The following ANKFN1 variants were observed in gnomAD, a reference collection of about 807,000 sequenced individuals.
The protein encoded by ANKFN1 is ankyrin repeat and fibronectin type-III domain-containing protein 1.
ANKFN1 carries 74 observed loss-of-function variants against 108.7 expected under a neutral mutation model. The observed-to-expected ratio is 0.68, with a 90% CI of 0.56 to 0.83. The LOEUF is 0.83. ANKFN1 is among the 40% of genes least tolerant of loss of function. The pLI, the probability that ANKFN1 is intolerant of heterozygous loss-of-function variation, is 0.00. For synonymous variants in ANKFN1, 547 were observed against 516.2 expected (o/e 1.06, Z -0.81); for missense variants, 1,505 against 1,382.3 (o/e 1.09, Z -1.41).
chr17:56,130,668 G>A (rs988957655), intron 4 of ANKFN1, among the ~76,000 whole-genome samples: 1 of 152,066 alleles, frequency 6.6e-6, no homozygotes, highest in Non-Finnish European at 1.5e-5. Context: ...AGGATATTTC[G>A]ATCTGCCAAC....
At chr17:56,152,488 A>G (rs1269124656), upstream of ANKFN1, among the ~76,000 whole-genome samples, 1 of 152,048 alleles carries the variant, frequency 6.6e-6, no homozygotes, top group African/African-American at 2.4e-5. Context: ...TTAAAAAAGC[A>G]ATTAGACATT....
intron 3 of ANKFN1, among the ~76,000 whole-genome samples, chr17:56,324,891 C>T (rs1433887727): frequency 6.6e-6 from 1 of 152,198 alleles, no homozygotes; most frequent in African/African-American, 2.4e-5. Context: ...TGAGCCCTGC[C>T]TCAGATCGGA....
At chr17:56,275,788 G>C (rs1253434411) in intron 3 of ANKFN1, among the ~76,000 whole-genome samples, 1 of 152,090 alleles carries the variant, frequency 6.6e-6, no homozygotes, top group Non-Finnish European at 1.5e-5. Flanking sequence ...ACAGAAGGCA[G>C]GAAAGACAGA....
intron 4 of ANKFN1, among the ~76,000 whole-genome samples, chr17:56,078,123 C>T (rs1905202159): frequency 6.6e-6 from 1 of 152,164 alleles, no homozygotes; most frequent in African/African-American, 2.4e-5. Context: ...CTGTGGTAGG[C>T]AGCAGCTCAA....
chr17:56,117,700 C>T lies in ANKFN1; in HGVS notation c.288+71375C>T, dbSNP rs189349154. Among the ~76,000 whole-genome samples, 90 of 152,178 alleles carry T rather than the reference C, an allele frequency of 5.9e-4. 1 individual carries two copies. Among genetic ancestry groups the T allele is most frequent in the African/African-American group, 2.1e-3 (87 of 41,530 alleles). ...GGAGGGCAATTTTCTCAGACTCTTC[C>T]GTTTTCTTGTTCTGTAAGGTTTCTT... On this transcript the variant is annotated intron_variant, in intron 4 of 12. Coordinates refer to the ANKFN1 transcript ENST00000635860.
chr17:56,400,364 G>C (rs1380512263), intron 8 of ANKFN1, among the ~76,000 whole-genome samples: 13 of 151,958 alleles, frequency 8.6e-5, no homozygotes. Flanking sequence ...TCATATGTTT[G>C]TTGGCCATTT....
In ANKFN1 at chr17:56,480,860, A is replaced by T. The variant is rs111437729; in HGVS notation, c.2091+42A>T. On this transcript the variant is annotated intron_variant, in intron 17 of 20. Coordinates refer to ENST00000682825, the MANE Select transcript of ANKFN1 (RefSeq NM_001370326.1). ...TTTTTATCTTCTTTTTTTATGGCTCATGGAAACTGCATTGTAACATTAAGT... is the reference window on the plus strand; with the variant it reads ...TTTTTATCTTCTTTTTTTATGGCTCTTGGAAACTGCATTGTAACATTAAGT... 72 of 1,587,462 alleles carry T rather than the reference A, an allele frequency of 4.5e-5. 2 individuals carry two copies. In the African/African-American group the frequency reaches 6.2e-4, roughly 14 times the overall value.
In ANKFN1 at chr17:56,343,572, T is replaced by C. The variant is rs369978728; in HGVS notation, c.189-7194T>C. On this transcript the variant is annotated intron_variant, in intron 4 of 20. Transcript: ENST00000682825. ...GGTTTGATTTTGATGTATCTAGATG[T>C]GGCTCTCTTTGAGTTTATTCTACTT... Among the ~76,000 whole-genome samples the C allele has an allele frequency of 3.9e-5, 6 of 151,978 alleles. No individual in the cohort carries two copies. In the East Asian group the frequency reaches 1.2e-3, roughly 29 times the overall value.
chr17:56,269,953 T>G (rs2043751028), intron 3 of ANKFN1, among the ~76,000 whole-genome samples: 1 of 152,372 alleles, frequency 6.6e-6, no homozygotes, highest in Middle Eastern at 3.4e-3. Flanking sequence ...CGCACATGTT[T>G]CTGATTCATT....
intron 1 of ANKFN1, among the ~76,000 whole-genome samples, chr17:56,207,267 G>A (rs184165581): frequency 1.3e-5 from 2 of 152,172 alleles, no homozygotes; most frequent in Admixed American, 6.5e-5. Flanking sequence ...CAGACCTATT[G>A]TATCAGATAC....
Position 56,482,534 on chromosome 17 carries a change from C to T in ANKFN1, c.2260+10C>T. ...CAGATGTTTGAACTTGGTATAGTAG[C>T]TTGTTTCACCTAGAAATATTAACCC... On this transcript the variant is annotated intron_variant, in intron 18 of 20. Transcript: ENST00000682825. 4 of 1,609,002 alleles carry T rather than the reference C, an allele frequency of 2.5e-6. No individual in the cohort carries two copies. The highest frequency in any genetic ancestry group is 3.4e-6 in the Non-Finnish European group (4 of 1,177,840).
At chr17:56,359,684 G>A (rs1364553616) in intron 6 of ANKFN1, among the ~76,000 whole-genome samples, 1 of 152,166 alleles carries the variant, frequency 6.6e-6, no homozygotes, top group Admixed American at 6.5e-5. Context: ...TTGTCAGGAT[G>A]CACCACTCAT....
intron 8 of ANKFN1, among the ~76,000 whole-genome samples, chr17:56,413,789 A>C (rs893585697): frequency 2.2e-4 from 34 of 151,642 alleles, no homozygotes; most frequent in Admixed American, 2.0e-3. Context: ...GTGCCATCTC[A>C]GCTCACTGTA....
In ANKFN1 at chr17:56,517,007, G is replaced by T. The variant is rs996432681; in HGVS notation, c.*5738G>T. 6.6e-6 allele frequency among the ~76,000 whole-genome samples: 1 copy of T among 152,020 alleles called. No homozygotes were observed. Among genetic ancestry groups the T allele is most frequent in the African/African-American group, 2.4e-5 (1 of 41,370 alleles). ...ATGTTGATTCAATAATAAACAAATA[G>T]AATTCTTAATACTTGGCTTACTTAA... On this transcript the variant is annotated 3_prime_UTR_variant, in exon 21 of 21. Transcript: ENST00000682825.
intron 2 of ANKFN1, among the ~76,000 whole-genome samples, chr17:56,218,183 T>TTCTCTC (rs72257132): frequency 1.4e-5 from 2 of 146,012 alleles, no homozygotes. Context: ...CCTTAGCCCC[T>TTCTCTC]TCTCTCTCTC....
intron 4 of ANKFN1, among the ~76,000 whole-genome samples, chr17:56,052,277 CT>C (rs1207980235): frequency 6.6e-6 from 1 of 151,982 alleles, no homozygotes; most frequent in African/African-American, 2.4e-5. Flanking sequence ...TCTGCGAGGG[CT>C]TATTAGAAGA....
chr17:56,213,993 T>C (rs998850810), intron 2 of ANKFN1, among the ~76,000 whole-genome samples: 3 of 152,266 alleles, frequency 2.0e-5, no homozygotes, highest in Non-Finnish European at 1.5e-5. Context: ...TGGCAGAAAG[T>C]TTAAAACTAG....
At chr17:56,487,014 A>C (rs1432982548) in intron 18 of ANKFN1, among the ~76,000 whole-genome samples, 1 of 152,220 alleles carries the variant, frequency 6.6e-6, no homozygotes, top group Admixed American at 6.5e-5. Flanking sequence ...TAGCAAAGAC[A>C]AAATGATAAA....
intron 4 of ANKFN1, among the ~76,000 whole-genome samples, chr17:56,046,489 C>T (rs556722281): frequency 3.3e-5 from 5 of 151,952 alleles, no homozygotes; most frequent in Admixed American, 6.6e-5. Context: ...TGTGCCCACA[C>T]GCACTTGCAT....
Sources: allele counts gnomAD v4.1 joint callset (sites outside exome capture counted in the v4.1 genomes callset), GRCh38; gene constraint gnomAD v4.1.1; transcripts MANE v1.5; gene names NCBI Gene and HGNC (gene_info 2026-07-23, HGNC 2026-07-21).